Variants in CPAP observed in about 807,000 individuals in gnomAD.
The protein encoded by CPAP is centrosomal P4.1-associated protein.
At chr13:24,888,340 G>T in the CPAP span, among the ~76,000 whole-genome samples, 2 of 151,990 alleles carry the variant, frequency 1.3e-5, no homozygotes, top group African/African-American at 4.8e-5. Context: ...GGATTACTAT[G>T]CGGAATATTT....
chr13:24,905,545 T>C, the CPAP span: 3 of 1,614,114 alleles, frequency 1.9e-6, no homozygotes, highest in South Asian at 1.1e-5. Context: ...CCAGGATACC[T>C]ATTTCATTAT....
chr13:24,908,152 A>G, the CPAP span: 5,402 of 1,515,388 alleles, frequency 3.6e-3, 63 homozygotes, highest in South Asian at 0.02. Context: ...AGAACAATTT[A>G]GCTCAAGAAA....
chr13:24,908,014 A>G, the CPAP span: 1 of 1,582,928 alleles, frequency 6.3e-7, no homozygotes, highest in Admixed American at 1.7e-5. Flanking sequence ...AACACGAACA[A>G]TACCTTTCTT....
the CPAP span, chr13:24,882,328 A>T: frequency 8.6e-5 from 13 of 151,866 alleles, no homozygotes; most frequent in South Asian, 8.3e-4. Flanking sequence ...CCTGGAATTG[A>T]TAGATTTCAT....
the CPAP span, chr13:24,892,726 TCA>T: frequency 6.2e-7 from 1 of 1,614,020 alleles, no homozygotes; most frequent in Admixed American, 1.7e-5. Context: ...AATCTTTCCA[TCA>T]CTTTTATTTC....
At chr13:24,906,197 G>A in the CPAP span, 1 of 1,613,462 alleles carries the variant, frequency 6.2e-7, no homozygotes, top group Non-Finnish European at 8.5e-7. Flanking sequence ...AGGGGTGGAA[G>A]ACATCCGGTG....
At chr13:24,933,133 C>T in the CPAP span, 338 of 1,564,694 alleles carry the variant, frequency 2.2e-4, no homozygotes, top group Non-Finnish European at 2.7e-4. Flanking sequence ...ATTAAATCCT[C>T]AGGTATTTCC....
chr13:24,917,209 G>A, the CPAP span, among the ~76,000 whole-genome samples: 2 of 152,092 alleles, frequency 1.3e-5, no homozygotes, highest in Admixed American at 6.6e-5. Flanking sequence ...AGCCGAGATC[G>A]CGCCACTGCA....
chr13:24,890,514 A>T, the CPAP span, among the ~76,000 whole-genome samples: 12 of 152,196 alleles, frequency 7.9e-5, no homozygotes, highest in Non-Finnish European at 1.5e-4. Flanking sequence ...GCTATGCAGC[A>T]GGCACTCTTG....
chr13:24,897,452 C>T, the CPAP span, among the ~76,000 whole-genome samples: 1 of 152,266 alleles, frequency 6.6e-6, no homozygotes, highest in South Asian at 2.1e-4. Context: ...AGCAGGTACT[C>T]AGTAGCCATG....
the CPAP span, chr13:24,905,377 G>C: frequency 6.2e-7 from 1 of 1,614,020 alleles, no homozygotes; most frequent in Non-Finnish European, 8.5e-7. Flanking sequence ...TGTTTAACTT[G>C]AGTTCATTTC....
the CPAP span, among the ~76,000 whole-genome samples, chr13:24,930,289 T>C: frequency 6.6e-6 from 1 of 152,136 alleles, no homozygotes; most frequent in Non-Finnish European, 1.5e-5. Flanking sequence ...TTTCTATCTA[T>C]TAATAATCTT....
chr13:24,890,267 T>C, the CPAP span, among the ~76,000 whole-genome samples: 3 of 152,316 alleles, frequency 2.0e-5, no homozygotes, highest in East Asian at 1.9e-4. Flanking sequence ...CAGGTGTTAA[T>C]TGTACTATTC....
At chr13:24,884,141 AG>A in the CPAP span, 22 of 1,569,770 alleles carry the variant, frequency 1.4e-5, no homozygotes, top group Non-Finnish European at 1.7e-5. Flanking sequence ...ATTTAATGAG[AG>A]GGTGGAGCAA....
the CPAP span, chr13:24,899,437 CT>C: frequency 6.2e-7 from 1 of 1,613,412 alleles, no homozygotes; most frequent in Non-Finnish European, 8.5e-7. Flanking sequence ...CTTCACGTTC[CT>C]TTTTATCTGG....
the CPAP span, chr13:24,908,092 T>C: frequency 1.3e-5 from 21 of 1,612,838 alleles, no homozygotes; most frequent in Non-Finnish European, 1.7e-5. Flanking sequence ...CCTGAATCTG[T>C]TCTGTCACTT....
At chr13:24,920,576 C>T in the CPAP span, among the ~76,000 whole-genome samples, 55 of 146,870 alleles carry the variant, frequency 3.7e-4, no homozygotes, top group African/African-American at 1.3e-3. Context: ...CAGGCAGTAA[C>T]AAAAATAAAT....
chr13:24,928,649 C>T, the CPAP span, among the ~76,000 whole-genome samples: 3 of 152,116 alleles, frequency 2.0e-5, no homozygotes, highest in Non-Finnish European at 2.9e-5. Context: ...AGGCTGGTCT[C>T]GAATTCCTGA....
chr13:24,905,489 TCTTCTC>T, the CPAP span: 1 of 1,614,204 alleles, frequency 6.2e-7, no homozygotes, highest in South Asian at 1.1e-5. Context: ...CTTGCTCAAG[TCTTCTC>T]CCCTCTTGAC....
Sources: gnomAD v4.1 joint callset for allele counts (sites outside exome capture counted in the v4.1 genomes callset) on GRCh38, gnomAD v4.1.1 for gene constraint, MANE v1.5 for transcripts, NCBI Gene and HGNC (gene_info 2026-07-23, HGNC 2026-07-21) for gene names.